The following MEI4 variants were observed in gnomAD, a reference collection of about 807,000 sequenced individuals.
MEI4 encodes the protein meiosis-specific protein MEI4.
A neutral mutation model predicts 31.4 loss-of-function variants in MEI4; 27 were observed. The observed-to-expected ratio is 0.86, with a 90% CI of 0.63 to 1.19. The LOEUF (loss-of-function observed/expected upper bound fraction) is 1.19. Ranked by LOEUF, MEI4 falls within the 50% of genes most tolerant of loss-of-function variation. The pLI is 0.00. For missense variants in MEI4, 329 were observed against 398.9 expected (o/e 0.82, Z 1.49); for synonymous variants, 122 against 145.4 (o/e 0.84, Z 1.16).
At chr6:77,746,240 A>C (rs1582094918) in intron 2 of MEI4, among the ~76,000 whole-genome samples, 1 of 152,204 alleles carries the variant, frequency 6.6e-6, no homozygotes, top group Admixed American at 6.5e-5. Flanking sequence ...CTAATAAAGA[A>C]GAAAAGAGAG....
chr6:77,866,000 G>A (rs1771015704), intron 4 of MEI4, among the ~76,000 whole-genome samples: 1 of 152,248 alleles, frequency 6.6e-6, no homozygotes, highest in East Asian at 1.9e-4. Context: ...CTCAATAGAT[G>A]CAGAAAAGGC....
intron 4 of MEI4, among the ~76,000 whole-genome samples, chr6:77,899,674 C>G (rs553167724): frequency 4.1e-4 from 62 of 152,184 alleles, no homozygotes; most frequent in African/African-American, 1.5e-3. Context: ...AAAAATTACT[C>G]TAAAACTAGT....
chr6:77,763,026 C>T (rs1431629849), intron 3 of MEI4, among the ~76,000 whole-genome samples: 1 of 151,982 alleles, frequency 6.6e-6, no homozygotes, highest in Non-Finnish European at 1.5e-5. Context: ...CATTTATAGT[C>T]CATATCAGAA....
At chr6:77,734,234 A>G (rs934955864) in intron 2 of MEI4, among the ~76,000 whole-genome samples, 4 of 151,966 alleles carry the variant, frequency 2.6e-5, no homozygotes, top group Non-Finnish European at 5.9e-5. Context: ...CGGTGTTAAC[A>G]TCTCCCATTA....
intron 1 of MEI4, among the ~76,000 whole-genome samples, chr6:77,661,693 G>A (rs920947410): frequency 1.3e-5 from 2 of 152,242 alleles, no homozygotes; most frequent in South Asian, 2.1e-4. Context: ...TGTAACCTAT[G>A]TGGAAGAGGT....
At position 77,820,860 on chromosome 6, in the gene MEI4, TC is replaced by T. The variant is rs1769806904; in HGVS notation, c.769-8069del. On this transcript the variant is annotated intron_variant, in intron 3 of 4. Transcript: ENST00000684080. This position sits in a 1 kb window ranked among gnomAD's most constrained non-coding sequence, Gnocchi z 4.5. Reference sequence around the variant, plus strand: ...GTTTCTTAGGCCTAAAAAACTTTCTTCCATTATTTTTTCCCATGTCGTTTCT... The same window carrying T: ...GTTTCTTAGGCCTAAAAAACTTTCTTCATTATTTTTTCCCATGTCGTTTCT... Among the ~76,000 whole-genome samples, 2 of 152,070 alleles carry T rather than the reference TC, an allele frequency of 1.3e-5. No homozygotes were observed. Among genetic ancestry groups the T allele is most frequent in the South Asian group, 4.1e-4 (2 of 4,830 alleles).
intron 2 of MEI4, among the ~76,000 whole-genome samples, chr6:77,749,534 C>T (rs1411108274): frequency 2.0e-5 from 3 of 151,870 alleles, no homozygotes; most frequent in Admixed American, 1.3e-4. Flanking sequence ...TGAAGATCAA[C>T]TCAATGAAAT....
At chr6:77,787,442 C>G (rs1013502486) in intron 3 of MEI4, among the ~76,000 whole-genome samples, 1 of 152,160 alleles carries the variant, frequency 6.6e-6, no homozygotes, top group Non-Finnish European at 1.5e-5. Context: ...TGGTAGCCAT[C>G]CCAACAGCCT....
chr6:77,891,065 T>A (rs953949309), intron 4 of MEI4, among the ~76,000 whole-genome samples: 2 of 152,208 alleles, frequency 1.3e-5, no homozygotes, highest in Non-Finnish European at 2.9e-5. Flanking sequence ...TTGCTGTTTT[T>A]AGAATTATTT....
chr6:77,685,436 T>C (rs1044948556), intron 1 of MEI4, among the ~76,000 whole-genome samples: 10 of 152,068 alleles, frequency 6.6e-5, no homozygotes, highest in African/African-American at 2.2e-4. Context: ...CCCTTGTATA[T>C]TTTGGATGTT....
intron 4 of MEI4, among the ~76,000 whole-genome samples, chr6:77,922,339 T>G (rs183620299): frequency 3.1e-4 from 47 of 151,848 alleles, no homozygotes; most frequent in African/African-American, 1.1e-3. Flanking sequence ...AGTCTACTTT[T>G]CAGAGGATCC....
intron 2 of MEI4, among the ~76,000 whole-genome samples, chr6:77,755,287 A>G (rs1767885530): frequency 1.3e-5 from 2 of 152,222 alleles, no homozygotes; most frequent in East Asian, 1.9e-4. Flanking sequence ...AAATTAGTTC[A>G]AGGTGGACCT....
chr6:77,674,644 C>T lies in MEI4; in HGVS notation c.-14-16014C>T, dbSNP rs9341681. Among the ~76,000 whole-genome samples the T allele has an allele frequency of 2.0e-5, 3 of 152,078 alleles. No individual in the cohort carries two copies. In the East Asian group the frequency reaches 5.8e-4, roughly 29 times the overall value. The stretch of plus-strand genomic sequence containing the variant: ...TACTTTCTATGAGTTGGCATAATGA[C>T]AGAACTACCTAATAATGTATTTCTC... On this transcript the variant is annotated intron_variant, in intron 1 of 4. Transcript: ENST00000684080.
rs147184590 is a variant in MEI4, at chr6:77,735,067, G to A, written c.233-26063G>A. 1.5e-3 allele frequency among the ~76,000 whole-genome samples: 221 copies of A among 152,048 alleles called. 3 individuals are homozygous for A. The highest frequency in any genetic ancestry group is 4.5e-3 in the African/African-American group (187 of 41,384). ...ACCTTTCTCTCTGGCTGCCCTTAAC[G>A]TTTTTTCCTTCATTTCTACTTCGGT... On this transcript the variant is annotated intron_variant, in intron 2 of 4. Coordinates refer to ENST00000684080, the MANE Select transcript of MEI4 (RefSeq NM_001322247.2).
At chr6:77,916,927 C>A (rs1055849559) in intron 4 of MEI4, among the ~76,000 whole-genome samples, 2 of 150,434 alleles carry the variant, frequency 1.3e-5, no homozygotes, top group African/African-American at 4.9e-5. Context: ...CCCCTACCCC[C>A]ACCCCACCAC....
At chr6:77,886,581 C>G (rs1370517326) in intron 4 of MEI4, among the ~76,000 whole-genome samples, 11 of 152,084 alleles carry the variant, frequency 7.2e-5, no homozygotes, top group Non-Finnish European at 1.6e-4. Context: ...CAGGCACCCA[C>G]AACCGTGGCT....
At chr6:77,787,568 G>C (rs1249108554) in intron 3 of MEI4, among the ~76,000 whole-genome samples, 2 of 152,002 alleles carry the variant, frequency 1.3e-5, no homozygotes, top group Non-Finnish European at 2.9e-5. Flanking sequence ...GCTTTTATTG[G>C]CATAAATCAG....
chr6:77,653,682 T>C (rs1452687425), intron 1 of MEI4, among the ~76,000 whole-genome samples: 1 of 152,204 alleles, frequency 6.6e-6, no homozygotes, highest in African/African-American at 2.4e-5. Flanking sequence ...GGAAGAACTC[T>C]GATCTATCAA....
At chr6:77,821,807 A>T in intron 3 of MEI4, among the ~76,000 whole-genome samples, 1 of 150,942 alleles carries the variant, frequency 6.6e-6, no homozygotes, top group South Asian at 2.1e-4. Flanking sequence ...TCCAAAAAAA[A>T]AAAAAAAAAA....
Sources: allele counts gnomAD v4.1 joint callset (sites outside exome capture counted in the v4.1 genomes callset), GRCh38; gene constraint gnomAD v4.1.1; non-coding constraint Gnocchi (gnomAD v3.1); transcripts MANE v1.5; gene names NCBI Gene and HGNC (gene_info 2026-07-23, HGNC 2026-07-21).